Variants in RBMS3 observed in about 807,000 individuals in gnomAD.
RBMS3 encodes RNA-binding motif, single-stranded-interacting protein 3.
Under a neutral mutation model 66.8 loss-of-function variants are expected in RBMS3, and 27 were observed. The ratio of observed to expected loss-of-function variants is 0.40; its 90% CI spans 0.30 to 0.56. The LOEUF is 0.56. RBMS3 is among the 20% of genes least tolerant of loss of function. RBMS3 has a pLI of 0.40. For synonymous variants in RBMS3, 188 were observed against 183.0 expected (o/e 1.03, Z -0.22); for missense variants, 513 against 549.5 (o/e 0.93, Z 0.66).
intron 6 of RBMS3, among the ~76,000 whole-genome samples, chr3:29,814,219 T>C (rs1244804912): frequency 1.3e-5 from 2 of 152,014 alleles, no homozygotes; most frequent in African/African-American, 4.8e-5. Context: ...AAAGGCCTTT[T>C]CTGCATCTAT....
At chr3:29,282,052 A>G (rs1340322997) in intron 1 of RBMS3, among the ~76,000 whole-genome samples, 1 of 152,140 alleles carries the variant, frequency 6.6e-6, no homozygotes. Flanking sequence ...TCTTTTGCAG[A>G]TGGGCACGGT....
intron 1 of RBMS3, among the ~76,000 whole-genome samples, chr3:29,420,250 A>G (rs1014352137): frequency 6.6e-6 from 1 of 152,172 alleles, no homozygotes; most frequent in Non-Finnish European, 1.5e-5. Context: ...TTCCGCCCAC[A>G]TATTCCCTCA....
intron 6 of RBMS3, among the ~76,000 whole-genome samples, chr3:29,802,337 T>C (rs1245744933): frequency 1.3e-5 from 2 of 152,220 alleles, no homozygotes; most frequent in African/African-American, 4.8e-5. Context: ...CTTTCTACTG[T>C]TCTCGTATTA....
At chr3:29,579,384 ACT>A (rs2047244132) in intron 3 of RBMS3, among the ~76,000 whole-genome samples, 1 of 152,150 alleles carries the variant, frequency 6.6e-6, no homozygotes, top group Non-Finnish European at 1.5e-5. Flanking sequence ...CAGTTGATAC[ACT>A]GAGGTCATTA....
chr3:29,750,020 T>C (rs1056563058), intron 5 of RBMS3, among the ~76,000 whole-genome samples: 6 of 152,188 alleles, frequency 3.9e-5, no homozygotes, highest in African/African-American at 1.4e-4. Flanking sequence ...TGCTATAAGC[T>C]ATGAATAGCT....
intron 5 of RBMS3, among the ~76,000 whole-genome samples, chr3:29,753,743 C>G (rs2055285937): frequency 6.6e-6 from 1 of 152,084 alleles, no homozygotes; most frequent in African/African-American, 2.4e-5. Flanking sequence ...TGCCCATAAT[C>G]ATATTTCCTT....
chr3:29,281,446 T>C lies in RBMS3; in HGVS notation c.-236T>C, dbSNP rs954780786. The stretch of plus-strand genomic sequence containing the variant: ...AAGATCTGGGAAGGCTGTGTGTGGG[T>C]GTTTTTTCTACAGATCTCACTCCTC... On this transcript the variant is annotated 5_prime_UTR_variant, in exon 1 of 15. Transcript: ENST00000383767. 3.7e-6 allele frequency: 2 copies of C among 535,902 alleles called. No homozygotes were observed. Among genetic ancestry groups the C allele is most frequent in the African/African-American group, 4.0e-5 (2 of 50,256 alleles). 33.2% of individuals were successfully genotyped at this position (535,902 alleles called of 1,614,324 possible). A position where few individuals can be genotyped will look rare whatever the true frequency, so the allele number is the denominator to read the frequency against.
rs1284517469 is a variant in RBMS3, at chr3:29,281,301, A to ATT, written c.-381_-380insTT. 7.1e-6 allele frequency: 1 copy of ATT among 139,938 alleles called. No individual in the cohort carries two copies. The highest frequency in any genetic ancestry group is 1.5e-4 in the East Asian group (1 of 6,640). 8.7% of individuals were successfully genotyped at this position (139,938 alleles called of 1,614,324 possible). On this transcript the variant is annotated 5_prime_UTR_variant, in exon 1 of 15. Coordinates refer to ENST00000383767, the MANE Select transcript of RBMS3 (RefSeq NM_001003793.3). ...CTGCAAGGATTCGGAGTTGTGCTAA[A>ATT]AGGACTTTGATTTTTTTCCCCCTTT...
At chr3:29,711,615 T>C (rs2053173730) in intron 4 of RBMS3, among the ~76,000 whole-genome samples, 1 of 152,182 alleles carries the variant, frequency 6.6e-6, no homozygotes, top group South Asian at 2.1e-4. Context: ...AGGGTCAGAC[T>C]ACTAACCCAG....
At chr3:29,729,924 T>C (rs1335210008) in intron 4 of RBMS3, among the ~76,000 whole-genome samples, 1 of 152,084 alleles carries the variant, frequency 6.6e-6, no homozygotes, top group Non-Finnish European at 1.5e-5. Context: ...TGGGGCTATC[T>C]ACCTCAAGGG....
intron 10 of RBMS3, among the ~76,000 whole-genome samples, chr3:29,901,286 G>T (rs561482056): frequency 6.6e-6 from 1 of 151,874 alleles, no homozygotes; most frequent in East Asian, 2.0e-4. Context: ...GTCCTGCCAA[G>T]TTCTCAAAAG....
chr3:29,372,520 GA>G (rs10708606), intron 1 of RBMS3, among the ~76,000 whole-genome samples: 138,334 of 151,420 alleles, frequency 0.91, 63,469 homozygotes, highest in East Asian at 1. Context: ...GGAAACTATT[GA>G]AAAAAAAAAT....
At chr3:29,585,225 T>G (rs2047474633) in intron 3 of RBMS3, among the ~76,000 whole-genome samples, 1 of 152,176 alleles carries the variant, frequency 6.6e-6, no homozygotes, top group Non-Finnish European at 1.5e-5. Flanking sequence ...GTGGTTCCCA[T>G]GTCAATCTCA....
chr3:29,873,512 A>G (rs2059540660), intron 7 of RBMS3, among the ~76,000 whole-genome samples: 1 of 152,066 alleles, frequency 6.6e-6, no homozygotes, highest in Admixed American at 6.6e-5. Flanking sequence ...ATTTTTTTAG[A>G]TGTAGAATCA....
intron 14 of RBMS3, among the ~76,000 whole-genome samples, chr3:30,001,694 G>A (rs1434823750): frequency 6.6e-6 from 1 of 151,816 alleles, no homozygotes; most frequent in Non-Finnish European, 1.5e-5. Context: ...TACATTGTAT[G>A]TGCACTGTTT....
chr3:29,377,865 T>G (rs2038559070), intron 1 of RBMS3, among the ~76,000 whole-genome samples: 1 of 152,230 alleles, frequency 6.6e-6, no homozygotes, highest in Admixed American at 6.5e-5. Context: ...AAAAAGTGAT[T>G]GTTGTCTTTA....
intron 1 of RBMS3, among the ~76,000 whole-genome samples, chr3:29,318,017 G>A (rs948646560): frequency 3.3e-5 from 5 of 151,378 alleles, no homozygotes; most frequent in East Asian, 1.9e-4. Flanking sequence ...TGATTTGTAG[G>A]TACATACAAG....
chr3:29,348,318 G>A (rs1443165538), intron 1 of RBMS3, among the ~76,000 whole-genome samples: 1 of 152,098 alleles, frequency 6.6e-6, no homozygotes, highest in East Asian at 1.9e-4. Flanking sequence ...AAATATTTCA[G>A]GCAAATTTAT....
intron 3 of RBMS3, among the ~76,000 whole-genome samples, chr3:29,500,838 C>CTG (rs58254082): frequency 0.032 from 4,767 of 148,242 alleles, 127 homozygotes; most frequent in African/African-American, 0.065. Flanking sequence ...GTCAGTACAT[C>CTG]TGTGTGTGTG....
Sources: gnomAD v4.1 joint callset for allele counts (sites outside exome capture counted in the v4.1 genomes callset) on GRCh38, gnomAD v4.1.1 for gene constraint, MANE v1.5 for transcripts, NCBI Gene and HGNC (gene_info 2026-07-23, HGNC 2026-07-21) for gene names.